OTUD3: variants seen among roughly 807,000 people sequenced by gnomAD.
OTUD3 encodes OTU domain-containing protein 3.
Under a neutral mutation model 46.2 loss-of-function variants are expected in OTUD3, and 24 were observed. The ratio of observed to expected loss-of-function variants is 0.52; its 90% CI spans 0.38 to 0.73. OTUD3 has a LOEUF of 0.73. Ranked by LOEUF, OTUD3 falls within the 30% of genes least tolerant of loss-of-function variation. OTUD3 has a pLI of 0.00. For synonymous variants in OTUD3, 189 were observed against 195.4 expected (o/e 0.97, Z 0.27); for missense variants, 455 against 523.3 (o/e 0.87, Z 1.27).
At chr1:19,899,284 A>G (rs1032425520) in intron 4 of OTUD3, among the ~76,000 whole-genome samples, 4 of 152,080 alleles carry the variant, frequency 2.6e-5, no homozygotes, top group African/African-American at 7.2e-5. Flanking sequence ...ATACCAAGCA[A>G]ATATATATAT....
chr1:19,885,106 T>C (rs1411528457), intron 1 of OTUD3, among the ~76,000 whole-genome samples: 2 of 151,962 alleles, frequency 1.3e-5, no homozygotes, highest in Non-Finnish European at 2.9e-5. Context: ...CACGATGTTT[T>C]TGGGAGATCT....
intron 2 of OTUD3, 113 bp downstream of exon 2, chr1:19,890,646 CATTT>C: frequency 1.1e-6 from 1 of 945,060 alleles, no homozygotes; most frequent in South Asian, 1.5e-5. Flanking sequence ...TCACGACATT[CATTT>C]ATTCAAGAAA....
chr1:19,904,422 A>G, intron 5 of OTUD3, 24 bp downstream of exon 5: 4 of 1,600,396 alleles, frequency 2.5e-6, no homozygotes, highest in Non-Finnish European at 3.4e-6. Context: ...TCTTGCAGGA[A>G]TGATTTAGAA....
In OTUD3 at chr1:19,904,366, G is replaced by A. The variant is rs780985847; in HGVS notation, c.706G>A (p.Val236Ile). 1.1e-5 allele frequency: 18 copies of A among 1,612,654 alleles called. No individual in the cohort carries two copies. The East Asian group carries it at 3.8e-4, about 34-fold the overall frequency. The stretch of plus-strand genomic sequence containing the variant: ...CCTGAGAGATGAAGTAGAGGATGCT[G>A]TCCAGAAAGTTTGTAATGCAACTGG... Reference protein sequence around the residue: ...DDLRDEVEDAVQKVCNATGCS... With the variant: ...DDLRDEVEDAIQKVCNATGCS... The change falls in exon 5 of 8, where the codon GTC (valine) becomes ATC (isoleucine). Residue 236 changes from valine (V) to isoleucine (I), a missense_variant. Val to Ile is a conservative substitution (Grantham distance 29). Transcript: ENST00000375120.
At chr1:19,888,025 C>T (rs1465559393) in intron 1 of OTUD3, among the ~76,000 whole-genome samples, 2 of 152,178 alleles carry the variant, frequency 1.3e-5, no homozygotes, top group Admixed American at 6.5e-5. Context: ...AATGCGAGAC[C>T]TGCCATATAT....
At chr1:19,883,716 A>G (rs1483964932) in intron 1 of OTUD3, among the ~76,000 whole-genome samples, 1 of 152,148 alleles carries the variant, frequency 6.6e-6, no homozygotes, top group South Asian at 2.1e-4. Context: ...CCTGGCTTCA[A>G]GCGATCCTCC....
chr1:19,894,314 C>A, intron 2 of OTUD3, 54 bp from the exon 3 acceptor site: 1 of 965,712 alleles, frequency 1.0e-6, no homozygotes, highest in Non-Finnish European at 1.6e-6. Flanking sequence ...AGCATGTTTG[C>A]ATTTAGATTT....
chr1:19,904,127 T>C, intron 4 of OTUD3, 140 bp from the exon 5 acceptor site: 1 of 531,314 alleles, frequency 1.9e-6, no homozygotes, highest in Non-Finnish European at 3.2e-6. Context: ...AGCCTAGTCA[T>C]TGCTGTTCTC....
intron 1 of OTUD3, among the ~76,000 whole-genome samples, 174 bp downstream of exon 1, chr1:19,882,908 C>A (rs1011720981): frequency 1.3e-5 from 2 of 152,226 alleles, no homozygotes; most frequent in African/African-American, 4.8e-5. Flanking sequence ...CGGACAAGCC[C>A]CTCGCCCCGA....
intron 2 of OTUD3, 35 bp downstream of exon 2, chr1:19,890,568 G>A: frequency 1.3e-6 from 2 of 1,597,282 alleles, no homozygotes; most frequent in Non-Finnish European, 1.7e-6. Flanking sequence ...TCCTTCAGGA[G>A]TAATGCATTG....
chr1:19,897,478 TTC>T (rs1228803944), intron 3 of OTUD3, 60 bp from the exon 4 acceptor site: 95 of 1,588,614 alleles, frequency 6.0e-5, no homozygotes, highest in Non-Finnish European at 1.7e-6. Context: ...AGGTGGGTGT[TTC>T]TCTCCAGAAG....
intron 6 of OTUD3, 114 bp downstream of exon 6, chr1:19,905,101 G>A (rs114940438): frequency 3.0e-6 from 2 of 657,874 alleles, no homozygotes; most frequent in African/African-American, 3.7e-5. Context: ...TCATTTAGGA[G>A]TTGTTTATTG....
intron 1 of OTUD3, among the ~76,000 whole-genome samples, chr1:19,886,897 G>A (rs2045369368): frequency 6.6e-6 from 1 of 152,174 alleles, no homozygotes; most frequent in South Asian, 2.1e-4. Context: ...CTAGATCAGC[G>A]CTGTCCAGGG....
chr1:19,906,459 G>A lies in OTUD3; in HGVS notation c.863G>A (p.Gly288Asp), dbSNP rs78466831. The change falls in exon 7 of 8, where the codon GGT (glycine) becomes GAT (aspartate). Residue 288 changes from glycine to aspartate, a missense_variant. By Grantham distance (94) the Gly-to-Asp change is moderately conservative. Coordinates refer to ENST00000375120, the MANE Select transcript of OTUD3 (RefSeq NM_015207.2). Reference protein sequence around the residue: ...NNAEENLEPSGRVLKQCGPLW... With the variant: ...NNAEENLEPSDRVLKQCGPLW... ...GCAGAAGAGAATCTTGAGCCCAGTG[G>A]TCGAGTGCTGAAGCAGTGTGGCCCT... 260 of 1,614,030 alleles carry A rather than the reference G, an allele frequency of 1.6e-4. 2 individuals carry two copies. The East Asian group carries it at 5.7e-3, about 35-fold the overall frequency.
chr1:19,885,413 A>G (rs1557672538), intron 1 of OTUD3, among the ~76,000 whole-genome samples: 1 of 152,030 alleles, frequency 6.6e-6, no homozygotes, highest in Non-Finnish European at 1.5e-5. Context: ...ACTGCAGGGG[A>G]TGGTGTTTCC....
chr1:19,892,258 C>G (rs980156399), intron 2 of OTUD3, among the ~76,000 whole-genome samples: 1 of 152,166 alleles, frequency 6.6e-6, no homozygotes, highest in African/African-American at 2.4e-5. Flanking sequence ...GAAAAGAAAC[C>G]TGGAAGTCTG....
At chr1:19,906,988 A>G (rs79367479) in intron 7 of OTUD3, 217 of 172,922 alleles carry the variant, frequency 1.3e-3, no homozygotes, top group African/African-American at 4.9e-3. Context: ...ATTTTCTTGA[A>G]TAAAGTCCCA....
At position 19,884,512 on chromosome 1, in the gene OTUD3, G is replaced by C. The variant is rs966426692; in HGVS notation, c.221+1778G>C. Among the ~76,000 whole-genome samples the C allele has an allele frequency of 2.0e-5, 3 of 152,170 alleles. No homozygotes were observed. The East Asian group carries it at 5.8e-4, about 29-fold the overall frequency. On this transcript the variant is annotated intron_variant, in intron 1 of 7. Transcript: ENST00000375120. The stretch of plus-strand genomic sequence containing the variant: ...CTAAGGTAGAAACACGTAACAGTGG[G>C]TCTCAGCTTTTTTGGTCTTAAGATC...
chr1:19,902,045 G>A (rs1423112206), intron 4 of OTUD3, among the ~76,000 whole-genome samples: 1 of 152,078 alleles, frequency 6.6e-6, no homozygotes, highest in African/African-American at 2.4e-5. Context: ...GGAATTGCTG[G>A]GTCATATGAT....
Sources: gnomAD v4.1 joint callset for allele counts (sites outside exome capture counted in the v4.1 genomes callset) on GRCh38, gnomAD v4.1.1 for gene constraint, MANE v1.5 for transcripts, NCBI Gene and HGNC (gene_info 2026-07-23, HGNC 2026-07-21) for gene names.